The following ATIC variants were observed in gnomAD, a reference collection of about 807,000 sequenced individuals.
ATIC encodes 5-aminoimidazole-4-carboxamide ribonucleotide formyltransferase/IMP cyclohydrolase, also known as bifunctional purine biosynthesis protein ATIC.
In ATIC, 64 loss-of-function variants were observed where a neutral mutation model predicts 72.5. The observed-to-expected ratio is 0.88, with a 90% CI of 0.72 to 1.09. The LOEUF is 1.09. Among genes scored for constraint, ATIC ranks in the 50% least tolerant of loss-of-function variants. ATIC has a pLI of 0.00. For synonymous variants in ATIC, 281 were observed against 267.1 expected, an observed-to-expected ratio of 1.05 and a Z score of -0.51; for missense variants, 787 against 732.4, an observed-to-expected ratio of 1.07 and a Z score of -0.86.
At chr2:215,323,206 A>G (rs1384680667) in intron 4 of ATIC, among the ~76,000 whole-genome samples, 2 of 152,140 alleles carry the variant, frequency 1.3e-5, no homozygotes, top group African/African-American at 2.4e-5. Context: ...CGGCCTCCCA[A>G]AGTGCTAGGA....
chr2:215,366,985 C>A, the ATIC span, among the ~76,000 whole-genome samples: 8 of 152,174 alleles, frequency 5.3e-5, no homozygotes, highest in Non-Finnish European at 1.0e-4. Flanking sequence ...TTTACAACTT[C>A]AGTCTGGATT....
chr2:215,362,078 C>T, the ATIC span: 2 of 1,612,922 alleles, frequency 1.2e-6, no homozygotes, highest in Admixed American at 3.3e-5. Context: ...ACAGCGCCAG[C>T]CCTGAGAGAG....
intron 2 of ATIC, among the ~76,000 whole-genome samples, chr2:215,313,397 A>G (rs1303448927): frequency 6.6e-6 from 1 of 152,170 alleles, no homozygotes; most frequent in Non-Finnish European, 1.5e-5. Context: ...TTAGCTGACT[A>G]GGCCATGGAA....
chr2:215,365,436 A>G, the ATIC span: 5 of 1,503,816 alleles, frequency 3.3e-6, no homozygotes, highest in East Asian at 6.8e-5. Flanking sequence ...TCTGTGAATG[A>G]GAGTTACAGC....
rs2052983145 is a variant in ATIC at position 215,338,682 on chromosome 2, T to A, written c.1099-97T>A. 2.3e-6 allele frequency: 3 copies of A among 1,333,322 alleles called. No individual in the cohort carries two copies. The Admixed American group carries it at 6.9e-5, about 31-fold the overall frequency. 82.6% of individuals were successfully genotyped at this position (1,333,322 alleles called of 1,614,324 possible). The stretch of plus-strand genomic sequence containing the variant: ...CTGTAAAAAATTAGAAACATGCATA[T>A]AACTTTACTTACAATGAAATCTTTT... On this transcript the variant is annotated intron_variant, in intron 11 of 15. Coordinates refer to ENST00000236959, the MANE Select transcript of ATIC (RefSeq NM_004044.7).
At chr2:215,318,343 T>C (rs1032290638) in intron 3 of ATIC, 110 bp downstream of exon 3, 13 of 1,059,468 alleles carry the variant, frequency 1.2e-5, no homozygotes, top group Admixed American at 1.1e-4. Flanking sequence ...AATTTACATA[T>C]AAAGTTAATG....
At chr2:215,348,353 T>TGGAACACA (rs2053093551) in intron 14 of ATIC, among the ~76,000 whole-genome samples, 1 of 152,202 alleles carries the variant, frequency 6.6e-6, no homozygotes, top group Non-Finnish European at 1.5e-5. Flanking sequence ...ACACAATTTT[T>TGGAACACA]ATTTGCTTTC....
At chr2:215,362,156 G>C in the ATIC span, 1 of 1,117,424 alleles carries the variant, frequency 8.9e-7, no homozygotes, top group East Asian at 2.4e-5. Context: ...TTGAGTTAAA[G>C]AAAAATGTCA....
the ATIC span, among the ~76,000 whole-genome samples, chr2:215,363,912 A>G: frequency 1.5e-3 from 229 of 152,326 alleles, 2 homozygotes; most frequent in Admixed American, 3.4e-3. Context: ...ACTTCTTCCC[A>G]TCTATTTTCT....
At chr2:215,320,588 A>ATTTTTTTTTTTTTTTTTTTTTTTT (rs1559267639) in intron 4 of ATIC, among the ~76,000 whole-genome samples, 3 of 151,646 alleles carry the variant, frequency 2.0e-5, no homozygotes, top group East Asian at 3.9e-4. Flanking sequence ...ATTTAATTTA[A>ATTTTTTTTTTTTTTTTTTTTTTTT]TTTTATTTTG....
At chr2:215,312,320 C>A in intron 1 of ATIC, 159 bp downstream of exon 1, 1 of 1,455,416 alleles carries the variant, frequency 6.9e-7, no homozygotes, top group Non-Finnish European at 9.2e-7. Flanking sequence ...CTGCGTGGGG[C>A]CCGCCTTAGA....
chr2:215,341,572 G>A (rs1233296867), intron 12 of ATIC, among the ~76,000 whole-genome samples: 1 of 152,092 alleles, frequency 6.6e-6, no homozygotes, highest in African/African-American at 2.4e-5. Flanking sequence ...CTTTTTAAGT[G>A]GATTTTTGTT....
chr2:215,348,960 A>G, intron 14 of ATIC, 134 bp from the exon 15 acceptor site: 1 of 760,928 alleles, frequency 1.3e-6, no homozygotes, highest in Non-Finnish European at 1.9e-6. Context: ...CCGTCTAAAA[A>G]AAAAAAAATA....
intron 1 of ATIC, 167 bp downstream of exon 1, chr2:215,312,328 A>G (rs1415290500): frequency 3.2e-5 from 47 of 1,482,740 alleles, no homozygotes; most frequent in Non-Finnish European, 4.2e-5. Flanking sequence ...GGCCCGCCTT[A>G]GAGCAGCTCG....
In ATIC at chr2:215,333,341, T is replaced by C. The variant is rs1443702390; in HGVS notation, c.815-9T>C. On this transcript the variant is annotated splice_polypyrimidine_tract_variant and intron_variant, in intron 8 of 15. Transcript: ENST00000236959. The stretch of plus-strand genomic sequence containing the variant: ...TTCTTTGTTTATGATTTTACTATTT[T>C]CTAACCAGGTGCTGCTGTTGGAATT... The C allele has an allele frequency of 4.3e-6, 7 of 1,612,712 alleles. No individual in the cohort carries two copies. Among genetic ancestry groups the C allele is most frequent in the African/African-American group, 2.7e-5 (2 of 74,888 alleles).
intron 7 of ATIC, among the ~76,000 whole-genome samples, chr2:215,327,382 A>G (rs1329122356): frequency 6.6e-6 from 1 of 152,134 alleles, no homozygotes; most frequent in Non-Finnish European, 1.5e-5. Flanking sequence ...CAGAAAAGGG[A>G]CTGTTTGTTT....
intron 14 of ATIC, chr2:215,348,683 C>T: frequency 2.3e-6 from 1 of 426,356 alleles, no homozygotes; most frequent in South Asian, 1.7e-5. Flanking sequence ...GAAATCCTGG[C>T]CGGGCGCGGT....
At chr2:215,364,466 G>T in the ATIC span, 1 of 272,404 alleles carries the variant, frequency 3.7e-6, no homozygotes, top group Non-Finnish European at 7.2e-6. Context: ...GGGGAGAACC[G>T]GCTGAAATGA....
the ATIC span, among the ~76,000 whole-genome samples, chr2:215,357,016 A>C: frequency 6.6e-6 from 1 of 152,180 alleles, no homozygotes; most frequent in African/African-American, 2.4e-5. Context: ...GCTGTTTCCC[A>C]CAGCAGCCGC....
Sources: allele counts gnomAD v4.1 joint callset (sites outside exome capture counted in the v4.1 genomes callset), GRCh38; gene constraint gnomAD v4.1.1; transcripts MANE v1.5; gene names NCBI Gene and HGNC (gene_info 2026-07-23, HGNC 2026-07-21).